ARHGEF18: variants seen among roughly 807,000 people sequenced by gnomAD.
ARHGEF18 encodes the protein Rho/Rac guanine nucleotide exchange factor 18.
In ARHGEF18, 93 loss-of-function variants were observed where a neutral mutation model predicts 155.7. The observed-to-expected ratio is 0.60, with a 90% confidence interval of 0.50 to 0.71. The LOEUF is 0.71. Among genes scored for constraint, ARHGEF18 ranks in the 30% least tolerant of loss-of-function variants. The pLI is 0.00. For synonymous variants in ARHGEF18, 742 were observed against 753.1 expected, an observed-to-expected ratio of 0.99 and a Z score of 0.24; for missense variants, 1,593 against 1,816.1, an observed-to-expected ratio of 0.88 and a Z score of 2.23.
At position 7,462,260 on chromosome 19, in the gene ARHGEF18, G is replaced by T. The variant is rs146371166; in HGVS notation, c.2561G>T (p.Arg854Leu). ...GGCCTCGAAGACCTGCCCCAGCCCC[G>T]AGGCCTATTCCGTGGAGGGGACCCA... ...MGGLEDLPQP[R>L]GLFRGGDPSE... Residue 854 changes from arginine (R) to leucine (L), a missense_variant, in exon 21 of 29, where the codon CGA (arginine) becomes CTA (leucine). Coordinates refer to ENST00000668164, the MANE Select transcript of ARHGEF18 (RefSeq NM_001367823.1). The surrounding 1 kb of genome is among the most constrained non-coding windows in gnomAD (Gnocchi z 4.4). 2 of 1,613,794 alleles carry T rather than the reference G, an allele frequency of 1.2e-6. No individual in the cohort carries two copies. The highest frequency in any genetic ancestry group is 1.7e-6 in the Non-Finnish European group (2 of 1,179,976).
intron 18 of ARHGEF18, among the ~76,000 whole-genome samples, chr19:7,458,255 A>G (rs1975970977): frequency 6.7e-6 from 1 of 148,506 alleles, no homozygotes; most frequent in African/African-American, 2.5e-5. Context: ...CCACTGCACT[A>G]CAGCCTGGGT....
chr19:7,424,269 G>A lies in ARHGEF18; in HGVS notation c.968-16075G>A, dbSNP rs538326426. 3.4e-3 allele frequency among the ~76,000 whole-genome samples: 510 copies of A among 152,072 alleles called. 1 individual carries two copies. The highest frequency in any genetic ancestry group is 0.012 in the African/African-American group (481 of 41,490). ...TCGAACTCCCGACCTCAGGTGATCC[G>A]CCTGTCTCAGCCTCCCAGAGTGCTG... On this transcript the variant is annotated intron_variant, in intron 10 of 28. Coordinates refer to ENST00000668164, the MANE Select transcript of ARHGEF18 (RefSeq NM_001367823.1).
rs201615895 is a variant in ARHGEF18, at chr19:7,458,670, C to T, written c.2340C>T (p.His780=). ...AGGACAGGAACGCCTGGATGGCCCA[C>T]ATCCAAAGGGCTGTGGAGAGGTGAG... ...SKEDRNAWMA[H]IQRAVESCPD... is the part of the protein sequence containing the mutation. The change falls in exon 19 of 29, where the codon CAC becomes CAT. Residue 780 remains histidine (H), a synonymous_variant. Coordinates refer to ENST00000668164, the MANE Select transcript of ARHGEF18 (RefSeq NM_001367823.1). The T allele has an allele frequency of 1.2e-6, 2 of 1,613,568 alleles. No homozygotes were observed. Among genetic ancestry groups the T allele is most frequent in the African/African-American group, 2.7e-5 (2 of 74,946 alleles).
chr19:7,450,657 G>C (rs1975349218), intron 15 of ARHGEF18, among the ~76,000 whole-genome samples: 1 of 152,284 alleles, frequency 6.6e-6, no homozygotes, highest in Non-Finnish European at 1.5e-5. Flanking sequence ...ACGGGATCTT[G>C]CTGTCCATTT....
chr19:7,410,842 T>G (rs1290720742), intron 10 of ARHGEF18, among the ~76,000 whole-genome samples: 2 of 145,124 alleles, frequency 1.4e-5, no homozygotes, highest in Non-Finnish European at 3.0e-5. Context: ...TTTTCACCCT[T>G]GTCATTTTGA....
chr19:7,407,158 C>T (rs1972365906), intron 10 of ARHGEF18, among the ~76,000 whole-genome samples: 1 of 151,548 alleles, frequency 6.6e-6, no homozygotes, highest in Admixed American at 6.6e-5. Context: ...GGCATGGTGG[C>T]TCACGCTGGT....
chr19:7,366,229 G>A (rs1334496891), intron 2 of ARHGEF18, among the ~76,000 whole-genome samples: 3 of 152,210 alleles, frequency 2.0e-5, no homozygotes, highest in Non-Finnish European at 1.5e-5. Context: ...TTACAGGCGT[G>A]AGCCACGGCG....
chr19:7,385,312 G>A (rs1292689387), intron 10 of ARHGEF18, among the ~76,000 whole-genome samples: 1 of 152,004 alleles, frequency 6.6e-6, no homozygotes, highest in African/African-American at 2.4e-5. Context: ...TTCTCCATTT[G>A]TTTCTGTTCC....
At chr19:7,460,086 G>A in intron 20 of ARHGEF18, 92 bp downstream of exon 20, 1 of 1,248,104 alleles carries the variant, frequency 8.0e-7, no homozygotes. Flanking sequence ...CTGCCCCCCA[G>A]GTGACCCGGT....
At chr19:7,397,204 G>A (rs1971761384) in intron 10 of ARHGEF18, among the ~76,000 whole-genome samples, 1 of 151,102 alleles carries the variant, frequency 6.6e-6, no homozygotes, top group Non-Finnish European at 1.5e-5. Flanking sequence ...ACTTTGTTTT[G>A]GTTTTGTATA....
intron 10 of ARHGEF18, among the ~76,000 whole-genome samples, chr19:7,409,765 TTTC>T (rs765388144): frequency 1.3e-4 from 8 of 61,998 alleles, no homozygotes; most frequent in African/African-American, 1.6e-4. Flanking sequence ...TCTTTCTTTC[TTTC>T]TTTTTTTTTT....
intron 16 of ARHGEF18, 41 bp from the exon 17 acceptor site, chr19:7,453,426 A>T (rs373452378): frequency 2.5e-5 from 38 of 1,550,258 alleles, no homozygotes; most frequent in Non-Finnish European, 3.0e-5. Context: ...CTGTTGTGTT[A>T]AAGTGGAAAA....
chr19:7,475,578 G>A (rs1568376087), downstream of ARHGEF18, among the ~76,000 whole-genome samples: 2 of 152,080 alleles, frequency 1.3e-5, no homozygotes, highest in Non-Finnish European at 2.9e-5. Context: ...GACCAGCTGA[G>A]AGAGTGGGAG....
At chr19:7,410,689 A>G (rs1321006252) in intron 10 of ARHGEF18, among the ~76,000 whole-genome samples, 2 of 150,598 alleles carry the variant, frequency 1.3e-5, no homozygotes, top group African/African-American at 4.9e-5. Flanking sequence ...ATGCACCTAT[A>G]ATCCCATTTA....
Position 7,456,407 on chromosome 19 carries a change from T to C in ARHGEF18, c.2181+4T>C, listed in dbSNP as rs369863950. The C allele has an allele frequency of 1.9e-6, 3 of 1,613,602 alleles. No individual in the cohort carries two copies. The highest frequency in any genetic ancestry group is 1.7e-6 in the Non-Finnish European group (2 of 1,179,640). On this transcript the variant is annotated splice_donor_region_variant and intron_variant, in intron 18 of 28. Coordinates refer to ENST00000668164, the MANE Select transcript of ARHGEF18 (RefSeq NM_001367823.1). ...GAAATACGTCTTTGCTTCTGTGGTA[T>C]GTATCCTGTCTCTTCAGACGAAGGG...
At chr19:7,451,309 G>A in intron 16 of ARHGEF18, 43 bp downstream of exon 16, 1 of 1,561,482 alleles carries the variant, frequency 6.4e-7, no homozygotes. Context: ...TGCTGCTGCA[G>A]CACAGGGCTC....
At chr19:7,423,169 G>A (rs1973461173) in intron 10 of ARHGEF18, among the ~76,000 whole-genome samples, 1 of 152,152 alleles carries the variant, frequency 6.6e-6, no homozygotes, top group Non-Finnish European at 1.5e-5. Flanking sequence ...GGGTTTCATG[G>A]ATTATTACTG....
At position 7,440,674 on chromosome 19, in the gene ARHGEF18, C is replaced by T. The variant is rs1230423556; in HGVS notation, c.1106+192C>T. Among the ~76,000 whole-genome samples the T allele has an allele frequency of 1.3e-5, 2 of 152,132 alleles. No homozygotes were observed. The highest frequency in any genetic ancestry group is 1.9e-4 in the East Asian group (1 of 5,180). ...CCTTTTTTGCAAAAACGATGTGTCC[C>T]GGGGTGTATTCGGCCCCTGGTGGAG... On this transcript the variant is annotated intron_variant, in intron 11 of 28. Coordinates refer to ENST00000668164, the MANE Select transcript of ARHGEF18 (RefSeq NM_001367823.1). This position sits in a 1 kb window ranked among gnomAD's most constrained non-coding sequence, Gnocchi z 5.4.
chr19:7,351,915 G>A (rs542834682), intron 1 of ARHGEF18, among the ~76,000 whole-genome samples: 18 of 151,492 alleles, frequency 1.2e-4, no homozygotes, highest in Middle Eastern at 3.2e-3. Flanking sequence ...GGCTGGTCTT[G>A]AATTCCTGAC....
Sources: allele counts gnomAD v4.1 joint callset (sites outside exome capture counted in the v4.1 genomes callset), GRCh38; gene constraint gnomAD v4.1.1; non-coding constraint Gnocchi (gnomAD v3.1); transcripts MANE v1.5; gene names NCBI Gene and HGNC (gene_info 2026-07-23, HGNC 2026-07-21).